Variants in RP2 observed in about 807,000 individuals in gnomAD.
RP2 encodes RP2 activator of ARL3 GTPase.
RP2 carries 3 observed loss-of-function variants against 20.3 expected under a neutral mutation model. That is an observed-to-expected ratio of 0.15 (90% CI 0.07 to 0.38). The LOEUF is 0.38. Among genes scored for constraint, RP2 ranks in the 10% least tolerant of loss-of-function variants. The probability of loss-of-function intolerance (pLI) is 1.00; values close to 1 mark genes in which losing one functional copy is unlikely to be tolerated. For synonymous variants in RP2, 75 were observed against 94.8 expected (o/e 0.79, Z 1.22); for missense variants, 233 against 268.5 (o/e 0.87, Z 0.92).
chrX:46,840,808 G>A (rs971651410), intron 1 of RP2, among the ~76,000 whole-genome samples: 1 of 112,221 alleles, frequency 8.9e-6, no homozygotes. Context: ...ATAGAAATGA[G>A]GATTAACTCT....
intron 1 of RP2, among the ~76,000 whole-genome samples, chrX:46,843,841 T>G (rs1262944059): frequency 2.7e-5 from 3 of 110,653 alleles, no homozygotes; most frequent in Non-Finnish European, 5.7e-5. Context: ...TACAGGGTAA[T>G]TTTTGTATTT....
intron 3 of RP2, among the ~76,000 whole-genome samples, chrX:46,867,643 TC>T (rs1215323706): frequency 9.1e-6 from 1 of 109,652 alleles, no homozygotes; most frequent in Non-Finnish European, 1.9e-5. Context: ...TTCTCCACAT[TC>T]CCCCCCACCC....
intron 3 of RP2, among the ~76,000 whole-genome samples, chrX:46,864,448 G>A (rs1314288172): frequency 9.5e-6 from 1 of 105,433 alleles, no homozygotes; most frequent in African/African-American, 3.5e-5. Context: ...CGGGGCTCAA[G>A]CAATCCTCCC....
At chrX:46,852,674 C>T (rs983244637) in intron 1 of RP2, among the ~76,000 whole-genome samples, 1 of 110,861 alleles carries the variant, frequency 9.0e-6, no homozygotes, top group African/African-American at 3.3e-5. Flanking sequence ...CCTCCACCTC[C>T]GAGGCTCAAG....
At chrX:46,855,445 G>A (rs192722289) in intron 2 of RP2, among the ~76,000 whole-genome samples, 24 of 110,953 alleles carry the variant, frequency 2.2e-4, no homozygotes, top group Middle Eastern at 4.7e-3. Flanking sequence ...AAGACATAGA[G>A]AAGTGAATGG....
At chrX:46,855,684 C>A (rs1488121043) in intron 2 of RP2, among the ~76,000 whole-genome samples, 19 of 110,116 alleles carry the variant, frequency 1.7e-4, no homozygotes, top group Non-Finnish European at 1.7e-4. Context: ...TTAGGCTGGT[C>A]TCGAACTCCT....
chrX:46,877,475 TAAG>T (rs1556327825), intron 3 of RP2, 27 bp from the exon 4 acceptor site: 1 of 1,003,847 alleles, frequency 1.0e-6, no homozygotes, highest in Non-Finnish European at 1.4e-6. Context: ...GTATTTGTGT[TAAG>T]AAAATGTTTC....
chrX:46,875,356 C>T (rs1364374341), intron 3 of RP2, among the ~76,000 whole-genome samples: 2 of 105,695 alleles, frequency 1.9e-5, no homozygotes, highest in Non-Finnish European at 3.9e-5. Flanking sequence ...CATTTATTAA[C>T]AGATGTTAAC....
intron 3 of RP2, among the ~76,000 whole-genome samples, chrX:46,862,370 A>G (rs1251534837): frequency 9.3e-6 from 1 of 108,097 alleles, no homozygotes; most frequent in African/African-American, 3.4e-5. Flanking sequence ...CTCTGTCTCA[A>G]AAAAAAATGG....
intron 1 of RP2, among the ~76,000 whole-genome samples, chrX:46,841,443 A>G (rs1556314914): frequency 8.9e-6 from 1 of 112,163 alleles, no homozygotes; most frequent in Non-Finnish European, 1.9e-5. Context: ...ACTCTGCTCA[A>G]TGTGGCATCA....
intron 3 of RP2, among the ~76,000 whole-genome samples, chrX:46,872,443 G>A (rs1274970102): frequency 9.0e-6 from 1 of 111,658 alleles, no homozygotes; most frequent in East Asian, 2.8e-4. Flanking sequence ...CTTTTTAGCA[G>A]TTTTGTAATT....
chrX:46,868,052 T>C (rs1050526167), intron 3 of RP2, among the ~76,000 whole-genome samples: 14 of 112,054 alleles, frequency 1.2e-4, no homozygotes, highest in African/African-American at 4.5e-4. Flanking sequence ...TAGTTCTATT[T>C]TTAGTTTTTT....
At chrX:46,862,531 G>T (rs781895489) in intron 3 of RP2, among the ~76,000 whole-genome samples, 52 of 109,979 alleles carry the variant, frequency 4.7e-4, no homozygotes, top group South Asian at 1.2e-3. Flanking sequence ...GTGGTGGCGG[G>T]CGCCTGTAGT....
At chrX:46,851,782 A>G (rs920117120) in intron 1 of RP2, among the ~76,000 whole-genome samples, 1 of 111,559 alleles carries the variant, frequency 9.0e-6, no homozygotes, top group Admixed American at 9.5e-5. Context: ...ATACAAAAAC[A>G]GGGGCCAGGC....
At chrX:46,863,511 T>G (rs1334855532) in intron 3 of RP2, among the ~76,000 whole-genome samples, 1 of 112,256 alleles carries the variant, frequency 8.9e-6, no homozygotes, top group African/African-American at 3.2e-5. Context: ...AGTGGAGATA[T>G]TCTAGCAGGA....
chrX:46,853,069 C>T (rs1220828584), intron 1 of RP2, among the ~76,000 whole-genome samples: 3 of 111,717 alleles, frequency 2.7e-5, no homozygotes, highest in Admixed American at 1.9e-4. Flanking sequence ...CTCTACAAAG[C>T]TTAGTACATT....
chrX:46,873,537 G>A (rs1411906953), intron 3 of RP2, among the ~76,000 whole-genome samples: 3 of 111,831 alleles, frequency 2.7e-5, no homozygotes, highest in African/African-American at 9.7e-5. Context: ...TGCTTAGCAA[G>A]TGCATTGTCA....
intron 4 of RP2, among the ~76,000 whole-genome samples, chrX:46,879,063 A>T (rs112996036): frequency 2.5e-3 from 30 of 12,145 alleles, no homozygotes; most frequent in African/African-American, 4.5e-3. Context: ...TACAAAAAGT[A>T]AAAAAAAAAA....
intron 2 of RP2, among the ~76,000 whole-genome samples, chrX:46,855,986 T>C (rs1924953039): frequency 8.9e-6 from 1 of 112,060 alleles, no homozygotes; most frequent in Non-Finnish European, 1.9e-5. Flanking sequence ...AAGACTTTTA[T>C]ATTTTCTCTT....
Sources: allele counts gnomAD v4.1 joint callset (sites outside exome capture counted in the v4.1 genomes callset), GRCh38; gene constraint gnomAD v4.1.1; transcripts MANE v1.5; gene names NCBI Gene and HGNC (gene_info 2026-07-23, HGNC 2026-07-21).